The following PCDHA2 variants were observed in gnomAD, a reference collection of about 807,000 sequenced individuals.
The protein encoded by PCDHA2 is protocadherin alpha 2.
In PCDHA2, 58 loss-of-function variants were observed where a neutral mutation model predicts 66.0. The ratio of observed to expected loss-of-function variants is 0.88; its 90% CI spans 0.71 to 1.09. The LOEUF (loss-of-function observed/expected upper bound fraction) is 1.09, where lower values mean the gene tolerates loss of function less well. Among genes scored for constraint, PCDHA2 ranks in the 50% least tolerant of loss-of-function variants. The probability of loss-of-function intolerance (pLI) is 0.00; values close to 1 mark genes in which losing one functional copy is unlikely to be tolerated. For missense variants in PCDHA2, 1,267 were observed against 1,242.3 expected (o/e 1.02, Z -0.30); for synonymous variants, 634 against 554.0 (o/e 1.14, Z -2.03).
At position 140,941,246 on chromosome 5, in the gene PCDHA2, T is replaced by TCCTTC. The variant is rs1465255424; in HGVS notation, c.2389-37702_2389-37701insCTTCC. Among the ~76,000 whole-genome samples, 4 of 141,078 alleles carry TCCTTC rather than the reference T, an allele frequency of 2.8e-5. No individual in the cohort carries two copies. In the East Asian group the frequency reaches 8.2e-4, roughly 29 times the overall value. 92.6% of individuals were successfully genotyped at this position (141,078 alleles called of 152,430 possible). On this transcript the variant is annotated intron_variant, in intron 1 of 3. Coordinates refer to ENST00000526136, the MANE Select transcript of PCDHA2 (RefSeq NM_018905.3). Reference sequence around the variant, plus strand: ...TTCTTTCTTTCTTTCTTTCTTTCTTTCTTTCTTTCTCTTTCTTTCTTTCTT... The same window carrying TCCTTC: ...TTCTTTCTTTCTTTCTTTCTTTCTTTCCTTCCTTTCTTTCTCTTTCTTTCTTTCTT...
chr5:140,823,383 G>A lies in PCDHA2; in HGVS notation c.2388+26031G>A, dbSNP rs201301158. On this transcript the variant is annotated intron_variant, in intron 1 of 3. Coordinates refer to ENST00000526136, the MANE Select transcript of PCDHA2 (RefSeq NM_018905.3). Reference sequence around the variant, plus strand: ...AGCTGCTGCAGTTCCAGGTGAGCGCGCGCGACGCGGGCGTGCCGCCTCTGG... The same window carrying A: ...AGCTGCTGCAGTTCCAGGTGAGCGCACGCGACGCGGGCGTGCCGCCTCTGG... 8.5e-5 allele frequency: 137 copies of A among 1,612,804 alleles called. 1 individual carries two copies. Among genetic ancestry groups the A allele is most frequent in the East Asian group, 8.9e-5 (4 of 44,864 alleles).
intron 1 of PCDHA2, chr5:140,801,075 G>A: frequency 6.8e-7 from 1 of 1,474,092 alleles, no homozygotes; most frequent in Non-Finnish European, 8.9e-7. Context: ...TTCAGATACT[G>A]CTTTGCTTCA....
chr5:140,835,093 A>T (rs2150230722), intron 1 of PCDHA2: 1 of 1,240,950 alleles, frequency 8.1e-7, no homozygotes, highest in East Asian at 2.6e-5. Context: ...GACAACAATG[A>T]CAATGCCCCA....
intron 1 of PCDHA2, chr5:140,836,321 C>T (rs781844463): frequency 6.2e-7 from 1 of 1,613,768 alleles, no homozygotes; most frequent in Non-Finnish European, 8.5e-7. Context: ...CGCGCCACCG[C>T]CTTCTGGTGC....
chr5:141,011,299 CTGAA>C lies in PCDHA2; in HGVS notation c.*1364_*1367del, dbSNP rs1554263406. ...TTTAGTTTTCCTTTTCTATAACACT[CTGAA>C]TTGCTAATCTTACTAACACCTATGA... is the stretch of plus-strand genomic sequence containing the variant. On this transcript the variant is annotated 3_prime_UTR_variant, in exon 4 of 4. Coordinates refer to ENST00000526136, the MANE Select transcript of PCDHA2 (RefSeq NM_018905.3). 1 of 153,768 alleles carries C rather than the reference CTGAA, an allele frequency of 6.5e-6. No homozygotes were observed. Among genetic ancestry groups the C allele is most frequent in the East Asian group, 1.9e-4 (1 of 5,198 alleles). The allele number at this position is 153,768 out of a possible 1,614,324, so 9.5% of individuals were successfully genotyped here.
At chr5:140,840,642 A>G (rs1776791475) in intron 1 of PCDHA2, among the ~76,000 whole-genome samples, 1 of 152,086 alleles carries the variant, frequency 6.6e-6, no homozygotes, top group Non-Finnish European at 1.5e-5. Flanking sequence ...ATATAGAGAA[A>G]TAGTGTAAAG....
At chr5:141,009,604 A>T (rs782247768) in intron 3 of PCDHA2, 23 bp from the exon 4 acceptor site, 2 of 1,608,944 alleles carry the variant, frequency 1.2e-6, no homozygotes, top group East Asian at 4.5e-5. Context: ...CCTGTTAATG[A>T]TTTGTAATGT....
At chr5:140,843,023 C>A (rs2150350362) in intron 1 of PCDHA2, 2 of 1,595,030 alleles carry the variant, frequency 1.3e-6, no homozygotes. Context: ...ACTGCTGGAG[C>A]CTCGGGTGGG....
chr5:140,811,974 T>G (rs1169790765), intron 1 of PCDHA2: 1 of 149,746 alleles, frequency 6.7e-6, no homozygotes, highest in East Asian at 1.9e-4. Context: ...GATTGTAGTT[T>G]CTTTTGAAGA....
intron 3 of PCDHA2, among the ~76,000 whole-genome samples, chr5:140,988,661 A>G (rs1411850477): frequency 6.6e-6 from 1 of 152,186 alleles, no homozygotes; most frequent in Non-Finnish European, 1.5e-5. Context: ...TTGTTTATGA[A>G]TAGACTCTAA....
At chr5:140,986,480 T>A (rs781884269) in intron 3 of PCDHA2, among the ~76,000 whole-genome samples, 16 of 152,200 alleles carry the variant, frequency 1.1e-4, no homozygotes, top group Non-Finnish European at 1.5e-4. Flanking sequence ...GATCAGTTCC[T>A]AGGGCAATCC....
Position 140,828,799 on chromosome 5 carries a change from T to C in PCDHA2, c.2388+31447T>C, listed in dbSNP as rs112419059. 8.7e-3 allele frequency: 14,110 copies of C among 1,614,220 alleles called. 76 individuals carry two copies. The highest frequency in any genetic ancestry group is 0.011 in the Non-Finnish European group (12,596 of 1,180,026). ...TGCTGGTCACAGTGCTGGATGTGAATGATAATGCTCCCACTTTCGAACAGT... is the reference window on the plus strand; with the variant it reads ...TGCTGGTCACAGTGCTGGATGTGAACGATAATGCTCCCACTTTCGAACAGT... On this transcript the variant is annotated intron_variant, in intron 1 of 3. Coordinates refer to ENST00000526136, the MANE Select transcript of PCDHA2 (RefSeq NM_018905.3).
At position 140,990,539 on chromosome 5, in the gene PCDHA2, A is replaced by G. The variant is rs2097398985; in HGVS notation, c.2536+7976A>G. ...TGTCTTTTTTGACTGTGCATCATAG[A>G]TACTGTATTACCCAAGAACACACAC... is the stretch of plus-strand genomic sequence containing the variant. On this transcript the variant is annotated intron_variant, in intron 3 of 3. Transcript: ENST00000526136. Among the ~76,000 whole-genome samples the G allele has an allele frequency of 2.6e-5, 4 of 152,262 alleles. No homozygotes were observed. In the South Asian group the frequency reaches 6.2e-4, roughly 24 times the overall value.
chr5:140,901,899 T>C (rs1439841120), intron 1 of PCDHA2, among the ~76,000 whole-genome samples: 2 of 152,152 alleles, frequency 1.3e-5, no homozygotes, highest in Non-Finnish European at 2.9e-5. Flanking sequence ...ATATTTTTCA[T>C]TGTGGAGATC....
chr5:140,832,432 T>C (rs1554133529), intron 1 of PCDHA2, among the ~76,000 whole-genome samples: 1 of 152,236 alleles, frequency 6.6e-6, no homozygotes, highest in Non-Finnish European at 1.5e-5. Flanking sequence ...TACATGATAA[T>C]TTTTAAGCGT....
rs113486331 is a variant in PCDHA2, at chr5:140,935,958, T to C, written c.2389-42991T>C. ...CCCAGGCTGGAGTAAAGTGGTACAATCTTGGCTCACTGCAATCTCTGCCTC... is the reference window on the plus strand; with the variant it reads ...CCCAGGCTGGAGTAAAGTGGTACAACCTTGGCTCACTGCAATCTCTGCCTC... On this transcript the variant is annotated intron_variant, in intron 1 of 3. Coordinates refer to ENST00000526136, the MANE Select transcript of PCDHA2 (RefSeq NM_018905.3). Among the ~76,000 whole-genome samples the C allele has an allele frequency of 4.3e-3, 649 of 149,438 alleles. 7 individuals are homozygous for C. The highest frequency in any genetic ancestry group is 0.015 in the African/African-American group (604 of 40,738).
At chr5:140,906,083 A>G (rs1554192390) in intron 1 of PCDHA2, among the ~76,000 whole-genome samples, 1 of 152,146 alleles carries the variant, frequency 6.6e-6, no homozygotes, top group Non-Finnish European at 1.5e-5. Context: ...ACCCACCCAG[A>G]CTGAGAGTAA....
chr5:140,800,527 T>C (rs1275803985), intron 1 of PCDHA2, among the ~76,000 whole-genome samples: 1 of 152,238 alleles, frequency 6.6e-6, no homozygotes, highest in Non-Finnish European at 1.5e-5. Flanking sequence ...TTGATGATCA[T>C]AAATCTGAAA....
intron 1 of PCDHA2, chr5:140,850,800 C>T (rs1554144941): frequency 1.9e-6 from 3 of 1,598,392 alleles, no homozygotes; most frequent in African/African-American, 1.3e-5. Context: ...GAAGACCGAC[C>T]TCATGGCCTT....
Sources: gnomAD v4.1 joint callset for allele counts (sites outside exome capture counted in the v4.1 genomes callset) on GRCh38, gnomAD v4.1.1 for gene constraint, MANE v1.5 for transcripts, NCBI Gene and HGNC (gene_info 2026-07-23, HGNC 2026-07-21) for gene names.